The following PLEKHA2 variants were observed in gnomAD, a reference collection of about 807,000 sequenced individuals.
The protein encoded by PLEKHA2 is pleckstrin homology domain-containing family A member 2.
A neutral mutation model predicts 53.2 loss-of-function variants in PLEKHA2; 28 were observed. The observed-to-expected ratio is 0.53, with a 90% CI of 0.39 to 0.72. The LOEUF is 0.72. Among genes scored for constraint, PLEKHA2 ranks in the 30% least tolerant of loss-of-function variants. The pLI, the probability that PLEKHA2 is intolerant of heterozygous loss-of-function variation, is 0.00. For synonymous variants in PLEKHA2, 193 were observed against 196.4 expected (o/e 0.98, Z 0.14); for missense variants, 426 against 537.9 (o/e 0.79, Z 2.06).
chr8:38,927,188 C>T (rs1834304340), intron 2 of PLEKHA2, among the ~76,000 whole-genome samples: 1 of 152,124 alleles, frequency 6.6e-6, no homozygotes, highest in Admixed American at 6.6e-5. Flanking sequence ...ACATCTCTTT[C>T]TATATTTATA....
intron 1 of PLEKHA2, chr8:38,901,825 G>C (rs1833790713): frequency 6.6e-6 from 1 of 152,254 alleles, no homozygotes. Flanking sequence ...GGGTTCTGGC[G>C]CTGGGGCACC....
At chr8:38,929,558 C>T (rs1834351143) in intron 2 of PLEKHA2, among the ~76,000 whole-genome samples, 1 of 152,230 alleles carries the variant, frequency 6.6e-6, no homozygotes, top group African/African-American at 2.4e-5. Flanking sequence ...CTGTGTGACC[C>T]TGGGCAGGTT....
chr8:38,933,185 T>C (rs1473460841), intron 2 of PLEKHA2, among the ~76,000 whole-genome samples: 1 of 152,052 alleles, frequency 6.6e-6, no homozygotes, highest in African/African-American at 2.4e-5. Context: ...GAGAGTGTGT[T>C]GTGCAACAGC....
intron 2 of PLEKHA2, among the ~76,000 whole-genome samples, chr8:38,920,117 A>G (rs1834151923): frequency 6.6e-6 from 1 of 151,804 alleles, no homozygotes; most frequent in Admixed American, 6.6e-5. Context: ...GATTACTGGC[A>G]TGTACCACCA....
At chr8:38,916,330 T>C (rs1230477545) in intron 1 of PLEKHA2, among the ~76,000 whole-genome samples, 1 of 152,224 alleles carries the variant, frequency 6.6e-6, no homozygotes, top group Non-Finnish European at 1.5e-5. Flanking sequence ...ATAGTTACCC[T>C]GTTGTACTAT....
chr8:38,955,801 C>A (rs1240603354), intron 9 of PLEKHA2, among the ~76,000 whole-genome samples: 2 of 152,144 alleles, frequency 1.3e-5, no homozygotes, highest in Admixed American at 1.3e-4. Context: ...TCTGATGGTA[C>A]AGTTTTGCTT....
Position 38,972,881 on chromosome 8 carries a change from G to C in PLEKHA2, c.*3098G>C, listed in dbSNP as rs1588287184. The stretch of plus-strand genomic sequence containing the variant: ...GCTTTTGAAGTGGTCTTGACCCACT[G>C]TGTGTAACAGTATTTCAGGTGGTCC... On this transcript the variant is annotated 3_prime_UTR_variant, in exon 12 of 12. Transcript: ENST00000617275. 6.6e-6 allele frequency: 1 copy of C among 152,204 alleles called. No individual in the cohort carries two copies. Among genetic ancestry groups the C allele is most frequent in the South Asian group, 2.1e-4 (1 of 4,822 alleles). The allele number at this position is 152,204 out of a possible 1,614,324, so 9.4% of individuals were successfully genotyped here. A position where few individuals can be genotyped will look rare whatever the true frequency, so the allele number is the denominator to read the frequency against.
intron 10 of PLEKHA2, among the ~76,000 whole-genome samples, chr8:38,959,193 A>C (rs964958564): frequency 6.6e-6 from 1 of 152,212 alleles, no homozygotes; most frequent in Admixed American, 6.5e-5. Flanking sequence ...AACGTGAACC[A>C]TAAGCAGGTC....
chr8:38,949,794 T>C (rs1375846199), intron 5 of PLEKHA2, among the ~76,000 whole-genome samples: 1 of 152,272 alleles, frequency 6.6e-6, no homozygotes, highest in Non-Finnish European at 1.5e-5. Context: ...ACCACAACGA[T>C]GGTTATGATA....
At chr8:38,921,626 C>A (rs1257210803) in intron 2 of PLEKHA2, among the ~76,000 whole-genome samples, 1 of 152,240 alleles carries the variant, frequency 6.6e-6, no homozygotes, top group Non-Finnish European at 1.5e-5. Flanking sequence ...GCAGCAGGTT[C>A]CCCTGGCCCA....
intron 3 of PLEKHA2, among the ~76,000 whole-genome samples, chr8:38,942,024 C>T (rs191810297): frequency 6.6e-6 from 1 of 152,224 alleles, no homozygotes; most frequent in Non-Finnish European, 1.5e-5. Context: ...ATTGTTAGAC[C>T]CTAACTGCTG....
intron 10 of PLEKHA2, among the ~76,000 whole-genome samples, chr8:38,965,093 A>G (rs113106215): frequency 1.2e-4 from 19 of 152,204 alleles, no homozygotes; most frequent in Non-Finnish European, 2.8e-4. Flanking sequence ...TGCAAAAAGG[A>G]AAACGGGGAA....
rs188182371 is a variant in PLEKHA2 at position 38,972,118 on chromosome 8, A to G, written c.*2335A>G. 1 of 152,366 alleles carries G rather than the reference A, an allele frequency of 6.6e-6. No individual in the cohort carries two copies. Among genetic ancestry groups the G allele is most frequent in the African/African-American group, 2.4e-5 (1 of 41,578 alleles). 9.4% of individuals were successfully genotyped at this position (152,366 alleles called of 1,614,324 possible). A position where few individuals can be genotyped will look rare whatever the true frequency, so the allele number is the denominator to read the frequency against. On this transcript the variant is annotated 3_prime_UTR_variant, in exon 12 of 12. Coordinates refer to ENST00000617275, the MANE Select transcript of PLEKHA2 (RefSeq NM_021623.2). ...GAAACGAGGACACTAAGACTGTCAA[A>G]TGGAAATCTTCTTGTCAATTGGCAA...
At chr8:38,924,305 G>C (rs1337707645) in intron 2 of PLEKHA2, among the ~76,000 whole-genome samples, 2 of 152,122 alleles carry the variant, frequency 1.3e-5, no homozygotes, top group Non-Finnish European at 2.9e-5. Context: ...GGGTCGTCAG[G>C]GTCCCCAGAA....
At chr8:38,937,172 G>A (rs1834511029) in intron 3 of PLEKHA2, among the ~76,000 whole-genome samples, 1 of 152,258 alleles carries the variant, frequency 6.6e-6, no homozygotes, top group Non-Finnish European at 1.5e-5. Flanking sequence ...AAAGGCACAA[G>A]ATGCAGGGCA....
Position 38,969,888 on chromosome 8 carries a change from T to A in PLEKHA2, c.*105T>A, listed in dbSNP as rs1835214350. 1.4e-6 allele frequency: 2 copies of A among 1,463,212 alleles called. No individual in the cohort carries two copies. Among genetic ancestry groups the A allele is most frequent in the Non-Finnish European group, 1.8e-6 (2 of 1,098,498 alleles). 90.6% of individuals were successfully genotyped at this position (1,463,212 alleles called of 1,614,324 possible). A position where few individuals can be genotyped will look rare whatever the true frequency, so the allele number is the denominator to read the frequency against. Reference sequence around the variant, plus strand: ...TGGAGGGTAGTCAGAGGCCTTTATGTCACTCATATTCCTGTGGATGCTCTT... The same window carrying A: ...TGGAGGGTAGTCAGAGGCCTTTATGACACTCATATTCCTGTGGATGCTCTT... On this transcript the variant is annotated 3_prime_UTR_variant, in exon 12 of 12. Coordinates refer to ENST00000617275, the MANE Select transcript of PLEKHA2 (RefSeq NM_021623.2).
rs1299332657 is a variant in PLEKHA2 at position 38,973,476 on chromosome 8, CAT to C, written c.*3694_*3695del. ...TTTGTTTTCAGTATAAATTAGATAACATGTGGAGGTCACAGCATTTTGGAAAT... is the reference window on the plus strand; with the variant it reads ...TTTGTTTTCAGTATAAATTAGATAACGTGGAGGTCACAGCATTTTGGAAAT... On this transcript the variant is annotated 3_prime_UTR_variant, in exon 12 of 12. Transcript: ENST00000617275. The C allele has an allele frequency of 3.3e-5, 5 of 151,722 alleles. No individual in the cohort carries two copies. Among genetic ancestry groups the C allele is most frequent in the Admixed American group, 6.6e-5 (1 of 15,202 alleles). 9.4% of individuals were successfully genotyped at this position (151,722 alleles called of 1,614,324 possible).
chr8:38,953,881 G>A (rs1319951709), intron 9 of PLEKHA2, among the ~76,000 whole-genome samples: 1 of 152,198 alleles, frequency 6.6e-6, no homozygotes, highest in East Asian at 1.9e-4. Context: ...TGGGAAGGAA[G>A]AACAGGTATT....
At chr8:38,950,544 G>A (rs1013678914) in intron 5 of PLEKHA2, 4 of 240,546 alleles carry the variant, frequency 1.7e-5, no homozygotes, top group South Asian at 1.2e-4. Flanking sequence ...TGTAAGTGCC[G>A]TGAAGGTGGG....
Sources: allele counts gnomAD v4.1 joint callset (sites outside exome capture counted in the v4.1 genomes callset), GRCh38; gene constraint gnomAD v4.1.1; transcripts MANE v1.5; gene names NCBI Gene and HGNC (gene_info 2026-07-23, HGNC 2026-07-21).